Variants in EXOC4 observed in about 807,000 individuals in gnomAD.
The protein encoded by EXOC4 is exocyst complex component 4.
Under a neutral mutation model 107.2 loss-of-function variants are expected in EXOC4, and 71 were observed. That is an observed-to-expected ratio of 0.66 (90% confidence interval 0.55 to 0.81). EXOC4 has a LOEUF of 0.81. Among genes scored for constraint, EXOC4 ranks in the 30% least tolerant of loss-of-function variants. The pLI is 0.00. For missense variants in EXOC4, 1,108 were observed against 1,189.6 expected, an observed-to-expected ratio of 0.93 and a Z score of 1.01; for synonymous variants, 456 against 441.2, an observed-to-expected ratio of 1.03 and a Z score of -0.42.
chr7:133,255,830 G>A (rs1020802615), intron 1 of EXOC4, among the ~76,000 whole-genome samples: 18 of 152,198 alleles, frequency 1.2e-4, no homozygotes, highest in African/African-American at 4.3e-4. Context: ...TTGGGATGGG[G>A]AATGGGGGGA....
chr7:133,736,282 C>T (rs1795443416), intron 10 of EXOC4, among the ~76,000 whole-genome samples: 1 of 152,134 alleles, frequency 6.6e-6, no homozygotes, highest in African/African-American at 2.4e-5. Context: ...ACTGACTCTA[C>T]TCTTTCTCTT....
intron 7 of EXOC4, among the ~76,000 whole-genome samples, chr7:133,406,885 T>C (rs1797233149): frequency 6.6e-6 from 1 of 152,244 alleles, no homozygotes; most frequent in Admixed American, 6.5e-5. Context: ...GGACAGTCCA[T>C]TGCCACTGGT....
At chr7:133,863,212 T>C (rs1244913582) in intron 11 of EXOC4, among the ~76,000 whole-genome samples, 1 of 152,142 alleles carries the variant, frequency 6.6e-6, no homozygotes, top group African/African-American at 2.4e-5. Flanking sequence ...AACACTGCCA[T>C]TGCAGGGCTA....
At chr7:134,054,945 G>A (rs1795887818) in intron 17 of EXOC4, among the ~76,000 whole-genome samples, 1 of 152,134 alleles carries the variant, frequency 6.6e-6, no homozygotes, top group African/African-American at 2.4e-5. Context: ...TCTGTTCTGA[G>A]TCACATGTCC....
intron 10 of EXOC4, among the ~76,000 whole-genome samples, chr7:133,760,403 C>A (rs1482588184): frequency 6.6e-6 from 1 of 152,160 alleles, no homozygotes. Flanking sequence ...TTTCCCCCAA[C>A]AGAATGTCAA....
At chr7:133,411,666 A>G (rs1314144442) in intron 7 of EXOC4, among the ~76,000 whole-genome samples, 4 of 152,114 alleles carry the variant, frequency 2.6e-5, no homozygotes, top group Non-Finnish European at 4.4e-5. Flanking sequence ...AAAGTAGGAC[A>G]GTTTTTTTTT....
chr7:133,466,026 A>C (rs1001109813), intron 7 of EXOC4, among the ~76,000 whole-genome samples: 1 of 151,798 alleles, frequency 6.6e-6, no homozygotes, highest in Non-Finnish European at 1.5e-5. Flanking sequence ...AATCCCAACT[A>C]CTCAGGAGGT....
intron 14 of EXOC4, among the ~76,000 whole-genome samples, chr7:133,951,516 T>C (rs1382133106): frequency 6.6e-6 from 1 of 152,238 alleles, no homozygotes; most frequent in Non-Finnish European, 1.5e-5. Flanking sequence ...CTCATTTAGC[T>C]ACCAATATTT....
intron 10 of EXOC4, among the ~76,000 whole-genome samples, chr7:133,692,238 T>C (rs1794437274): frequency 6.6e-6 from 1 of 152,222 alleles, no homozygotes; most frequent in African/African-American, 2.4e-5. Context: ...AGTCCAGCTA[T>C]GAGCAGTAGA....
chr7:133,402,417 A>G (rs369730092), intron 7 of EXOC4, among the ~76,000 whole-genome samples: 8 of 152,348 alleles, frequency 5.3e-5, no homozygotes, highest in African/African-American at 1.9e-4. Context: ...CATATGAATC[A>G]CAATCACTGG....
At chr7:133,369,929 C>T (rs954169840) in intron 6 of EXOC4, among the ~76,000 whole-genome samples, 1 of 151,490 alleles carries the variant, frequency 6.6e-6, no homozygotes, top group Admixed American at 6.6e-5. Flanking sequence ...CTCAGCCTCC[C>T]GAGTAGCTGG....
At chr7:133,764,946 A>G (rs1471852584) in intron 10 of EXOC4, among the ~76,000 whole-genome samples, 1 of 151,932 alleles carries the variant, frequency 6.6e-6, no homozygotes, top group Non-Finnish European at 1.5e-5. Context: ...AAGTTACTTA[A>G]CCTCTGCAAT....
intron 7 of EXOC4, among the ~76,000 whole-genome samples, chr7:133,442,098 T>C (rs1007978316): frequency 6.6e-6 from 1 of 152,210 alleles, no homozygotes; most frequent in Non-Finnish European, 1.5e-5. Flanking sequence ...CATTAGAGGT[T>C]TTTTGGTTAG....
chr7:133,373,144 AC>A (rs1482158248), intron 6 of EXOC4, among the ~76,000 whole-genome samples: 1 of 152,190 alleles, frequency 6.6e-6, no homozygotes, highest in East Asian at 1.9e-4. Flanking sequence ...GATGCCAGAT[AC>A]CAGTTTTATA....
chr7:134,086,913 G>A, the EXOC4 span, among the ~76,000 whole-genome samples: 1 of 152,152 alleles, frequency 6.6e-6, no homozygotes, highest in Non-Finnish European at 1.5e-5. Context: ...CATTGCCATG[G>A]CATTTGTAAA....
At chr7:133,566,148 G>T (rs1028395848) in intron 9 of EXOC4, among the ~76,000 whole-genome samples, 1 of 152,130 alleles carries the variant, frequency 6.6e-6, no homozygotes, top group Admixed American at 6.5e-5. Context: ...TTTTAATTGA[G>T]CTACACCTTC....
At chr7:133,265,923 G>A (rs1037206188) in intron 1 of EXOC4, among the ~76,000 whole-genome samples, 2 of 152,138 alleles carry the variant, frequency 1.3e-5, no homozygotes, top group African/African-American at 2.4e-5. Flanking sequence ...CCAAGAATCT[G>A]TGTTGCTTCT....
intron 3 of EXOC4, among the ~76,000 whole-genome samples, chr7:133,292,797 C>G (rs2150551317): frequency 6.6e-6 from 1 of 152,278 alleles, no homozygotes; most frequent in South Asian, 2.1e-4. Flanking sequence ...CTGTTCCCAG[C>G]ATAGTGTAGC....
intron 6 of EXOC4, among the ~76,000 whole-genome samples, chr7:133,369,885 AC>A (rs1315871338): frequency 7.5e-6 from 1 of 132,888 alleles, no homozygotes; most frequent in East Asian, 2.2e-4. Context: ...GGCTCACCCA[AC>A]CTTTGCCTGC....
Sources: allele counts gnomAD v4.1 joint callset (sites outside exome capture counted in the v4.1 genomes callset), GRCh38; gene constraint gnomAD v4.1.1; transcripts MANE v1.5; gene names NCBI Gene and HGNC (gene_info 2026-07-23, HGNC 2026-07-21).